THSD4: variants seen among roughly 807,000 people sequenced by gnomAD.
THSD4 encodes thrombospondin type-1 domain-containing protein 4.
Under a neutral mutation model 119.0 loss-of-function variants are expected in THSD4, and 69 were observed. The ratio of observed to expected loss-of-function variants is 0.58; its 90% CI spans 0.48 to 0.71. The LOEUF (loss-of-function observed/expected upper bound fraction) is 0.71, where lower values mean the gene tolerates loss of function less well. Ranked by LOEUF, THSD4 falls within the 30% of genes least tolerant of loss-of-function variation. THSD4 has a pLI of 0.00. For synonymous variants in THSD4, 524 were observed against 540.4 expected (o/e 0.97, Z 0.42); for missense variants, 1,393 against 1,391.1 (o/e 1.00, Z -0.02).
At chr15:71,674,349 C>T (rs1013007002) in intron 8 of THSD4, among the ~76,000 whole-genome samples, 2 of 152,174 alleles carry the variant, frequency 1.3e-5, no homozygotes, top group African/African-American at 4.8e-5. Flanking sequence ...TTCTGAGATT[C>T]GGTTTCCCCA....
chr15:71,772,605 A>G (rs925070537), intron 17 of THSD4, among the ~76,000 whole-genome samples: 1 of 152,224 alleles, frequency 6.6e-6, no homozygotes, highest in Non-Finnish European at 1.5e-5. Context: ...TACAGAAACT[A>G]AAACTATTAG....
chr15:71,256,782 G>A, intron 6 of THSD4, 67 bp downstream of exon 6: 1 of 1,441,798 alleles, frequency 6.9e-7, no homozygotes, highest in Non-Finnish European at 9.7e-7. Flanking sequence ...GTTGACTTCT[G>A]ATTGATGTTG....
intron 6 of THSD4, among the ~76,000 whole-genome samples, chr15:71,367,175 A>G (rs1346371079): frequency 6.6e-6 from 1 of 151,972 alleles, no homozygotes; most frequent in Non-Finnish European, 1.5e-5. Flanking sequence ...GACCTTGATG[A>G]TGTCATCGCA....
intron 7 of THSD4, among the ~76,000 whole-genome samples, chr15:71,529,816 C>A (rs1048518967): frequency 2.6e-5 from 4 of 152,194 alleles, no homozygotes; most frequent in African/African-American, 7.2e-5. Flanking sequence ...ACTTAATCTA[C>A]AGGATTTGAG....
At chr15:71,743,530 G>A (rs762939682) in intron 11 of THSD4, among the ~76,000 whole-genome samples, 4 of 152,144 alleles carry the variant, frequency 2.6e-5, no homozygotes, top group Non-Finnish European at 5.9e-5. Context: ...CTATTTAATG[G>A]AAGGAGATCT....
At chr15:71,511,763 C>A (rs773498828) in intron 7 of THSD4, among the ~76,000 whole-genome samples, 11 of 152,144 alleles carry the variant, frequency 7.2e-5, no homozygotes, top group Non-Finnish European at 1.3e-4. Flanking sequence ...CAGATGCCAG[C>A]GCACCTGGGC....
intron 14 of THSD4, among the ~76,000 whole-genome samples, chr15:71,749,300 A>G (rs16956149): frequency 0.14 from 21,341 of 152,272 alleles, 2,076 homozygotes; most frequent in East Asian, 0.28. Flanking sequence ...ATTGTAGAAC[A>G]TACCTTGGGA....
At chr15:71,270,403 G>A (rs2044514772) in intron 6 of THSD4, among the ~76,000 whole-genome samples, 1 of 152,176 alleles carries the variant, frequency 6.6e-6, no homozygotes, top group South Asian at 2.1e-4. Flanking sequence ...GCCATATGCA[G>A]AAAACAGAAA....
intron 7 of THSD4, among the ~76,000 whole-genome samples, chr15:71,495,658 T>C (rs1477359724): frequency 6.6e-6 from 1 of 152,060 alleles, no homozygotes; most frequent in Non-Finnish European, 1.5e-5. Flanking sequence ...TTAAAATGAG[T>C]GTCAATATTA....
In THSD4 at chr15:71,243,102, T is replaced by A; in HGVS notation, c.912+6T>A. 1 of 1,607,902 alleles carries A rather than the reference T, an allele frequency of 6.2e-7. No individual in the cohort carries two copies. Among genetic ancestry groups the A allele is most frequent in the Non-Finnish European group, 8.5e-7 (1 of 1,176,626 alleles). On this transcript the variant is annotated splice_donor_region_variant and intron_variant, in intron 5 of 17. Coordinates refer to ENST00000261862, the MANE Select transcript of THSD4 (RefSeq NM_024817.3). ...ACAAGCTGTGCAACACCAACGTGAG[T>A]ACACACAACCCATACCGGGCCTGGA...
chr15:71,627,820 C>A (rs7167646), intron 7 of THSD4, among the ~76,000 whole-genome samples: 83,015 of 151,982 alleles, frequency 0.55, 22,965 homozygotes, highest in Non-Finnish European at 0.56. Flanking sequence ...ATGGTGGTTT[C>A]AAGCAGAGCA....
chr15:71,720,103 C>T (rs12915432), intron 8 of THSD4, among the ~76,000 whole-genome samples: 129,755 of 144,236 alleles, frequency 0.9, 59,790 homozygotes, highest in Non-Finnish European at 1. Context: ...CAGGCTGGAG[C>T]GCAGTGGTAC....
At chr15:71,229,167 A>G (rs1002569177) in intron 4 of THSD4, among the ~76,000 whole-genome samples, 3 of 152,228 alleles carry the variant, frequency 2.0e-5, no homozygotes, top group Non-Finnish European at 2.9e-5. Context: ...GTTCACACAG[A>G]CTTAGTAGCT....
At chr15:71,567,765 AAGAG>A (rs746787658) in intron 7 of THSD4, among the ~76,000 whole-genome samples, 28 of 132,784 alleles carry the variant, frequency 2.1e-4, no homozygotes, top group Non-Finnish European at 1.4e-4. Flanking sequence ...TGGAGAGAGA[AAGAG>A]AGAGAGAGTG....
At chr15:71,355,554 T>A (rs2045798748) in intron 6 of THSD4, among the ~76,000 whole-genome samples, 2 of 152,152 alleles carry the variant, frequency 1.3e-5, no homozygotes, top group African/African-American at 2.4e-5. Context: ...TATTATTGGA[T>A]TGTGTGTTGT....
chr15:71,162,962 C>G (rs1386427008), intron 3 of THSD4, among the ~76,000 whole-genome samples: 1 of 151,794 alleles, frequency 6.6e-6, no homozygotes, highest in Non-Finnish European at 1.5e-5. Context: ...TTCATTAGCT[C>G]TAAGATTTAT....
chr15:71,135,984 T>C (rs1353246129), intron 1 of THSD4, among the ~76,000 whole-genome samples: 3 of 139,762 alleles, frequency 2.1e-5, no homozygotes, highest in African/African-American at 8.3e-5. Flanking sequence ...GTTTTTTGTT[T>C]AGTTTAGTTT....
intron 7 of THSD4, among the ~76,000 whole-genome samples, chr15:71,626,289 C>T (rs576153546): frequency 1.3e-5 from 2 of 152,252 alleles, no homozygotes; most frequent in African/African-American, 4.8e-5. Flanking sequence ...AACCTTTTCT[C>T]ATGTTTTCCA....
At chr15:71,774,115 C>A (rs937763872) in intron 17 of THSD4, among the ~76,000 whole-genome samples, 2 of 152,146 alleles carry the variant, frequency 1.3e-5, no homozygotes, top group East Asian at 3.9e-4. Flanking sequence ...AGTTTGAGAC[C>A]AGCCTGGGCA....
Sources: allele counts gnomAD v4.1 joint callset (sites outside exome capture counted in the v4.1 genomes callset), GRCh38; gene constraint gnomAD v4.1.1; transcripts MANE v1.5; gene names NCBI Gene and HGNC (gene_info 2026-07-23, HGNC 2026-07-21).